The following APOLD1 variants were observed in gnomAD, a reference collection of about 807,000 sequenced individuals.
APOLD1 encodes the protein apolipoprotein L domain containing 1, also known as apolipoprotein L domain-containing protein 1.
Under a neutral mutation model 15.3 loss-of-function variants are expected in APOLD1, and 22 were observed. The observed-to-expected ratio is 1.44, with a 90% CI of 1.03 to 2.05. APOLD1 has a LOEUF of 2.05. Among genes scored for constraint, APOLD1 ranks in the 30% most tolerant of loss-of-function variants. The pLI, the probability that APOLD1 is intolerant of heterozygous loss-of-function variation, is 0.00. For missense variants in APOLD1, 394 were observed against 353.5 expected (o/e 1.11, Z -0.92); for synonymous variants, 190 against 167.4 (o/e 1.13, Z -1.04).
chr12:12,746,049 A>G (rs1370610188), intron 1 of APOLD1, among the ~76,000 whole-genome samples: 2 of 152,106 alleles, frequency 1.3e-5, no homozygotes, highest in African/African-American at 2.4e-5. Context: ...CAGCTCCGTG[A>G]TCACTCAGGA....
At chr12:12,728,665 C>CAAAAAAAAAAA (rs58877184) in intron 1 of APOLD1, among the ~76,000 whole-genome samples, 33 of 62,836 alleles carry the variant, frequency 5.3e-4, no homozygotes, top group Non-Finnish European at 6.4e-4. Context: ...GACCCTGTCT[C>CAAAAAAAAAAA]AAAAAAAAAA....
At chr12:12,757,580 T>G (rs1946865834) in intron 1 of APOLD1, among the ~76,000 whole-genome samples, 1 of 152,214 alleles carries the variant, frequency 6.6e-6, no homozygotes. Flanking sequence ...TAGAACGTTG[T>G]CAGCCACCCC....
At chr12:12,782,580 T>C (rs143571807), upstream of APOLD1, among the ~76,000 whole-genome samples, 72 of 152,282 alleles carry the variant, frequency 4.7e-4, no homozygotes, top group African/African-American at 1.7e-3. Context: ...GGCAGGAGGA[T>C]TGCTTGATCT....
At chr12:12,777,053 G>A (rs1947041358) in intron 1 of APOLD1, among the ~76,000 whole-genome samples, 1 of 152,284 alleles carries the variant, frequency 6.6e-6, no homozygotes, top group African/African-American at 2.4e-5. Flanking sequence ...GTTTATTGTG[G>A]ATATTTTCTT....
chr12:12,787,196 C>T lies in APOLD1; in HGVS notation c.291C>T (p.Ala97=), dbSNP rs754281515. ...VSAVGLGVAT[A]GGAVTITSDL... ...CCGTGGGGCTGGGGGTGGCCACAGC[C>T]GGAGGGGCCGTCACCATCACGTCCG... Residue 97 remains alanine (A), a synonymous_variant, in exon 2 of 2, where the codon GCC becomes GCT. Transcript: ENST00000356591. This position sits in a 1 kb window ranked among gnomAD's most constrained non-coding sequence, Gnocchi z 4.9. The T allele has an allele frequency of 1.1e-5, 17 of 1,547,008 alleles. No homozygotes were observed. The highest frequency in any genetic ancestry group is 1.3e-5 in the Non-Finnish European group (15 of 1,154,816).
At chr12:12,735,835 T>C (rs909177622) in intron 1 of APOLD1, among the ~76,000 whole-genome samples, 1 of 151,812 alleles carries the variant, frequency 6.6e-6, no homozygotes, top group Non-Finnish European at 1.5e-5. Context: ...TAGTCATACC[T>C]ACTTGGGAAG....
chr12:12,764,282 A>G (rs1946927242), intron 1 of APOLD1, among the ~76,000 whole-genome samples: 1 of 152,156 alleles, frequency 6.6e-6, no homozygotes, highest in African/African-American at 2.4e-5. Flanking sequence ...TATTAACTAT[A>G]GTTACCATGT....
At chr12:12,747,278 C>T (rs1338625772) in intron 1 of APOLD1, among the ~76,000 whole-genome samples, 1 of 152,130 alleles carries the variant, frequency 6.6e-6, no homozygotes, top group Non-Finnish European at 1.5e-5. Context: ...GTCTAGCCCA[C>T]GTCTCTTACT....
At chr12:12,776,497 G>A (rs1202099493) in intron 1 of APOLD1, among the ~76,000 whole-genome samples, 1 of 152,238 alleles carries the variant, frequency 6.6e-6, no homozygotes, top group African/African-American at 2.4e-5. Flanking sequence ...AAGGCATGTG[G>A]TAAACTAGAT....
chr12:12,760,403 C>T (rs189939382), intron 1 of APOLD1, among the ~76,000 whole-genome samples: 303 of 152,046 alleles, frequency 2.0e-3, no homozygotes, highest in Non-Finnish European at 3.7e-3. Flanking sequence ...TTTGGGAGGC[C>T]GAAGTGGGCA....
rs558315485 is a variant in APOLD1, at chr12:12,787,353, C to G, written c.448C>G (p.Arg150Gly). Residue 150 changes from arginine (R) to glycine (G), a missense_variant, in exon 2 of 2, where the codon CGC becomes GGC. Arg to Gly is a moderately radical substitution (Grantham distance 125). Transcript: ENST00000356591. The surrounding 1 kb of genome is among the most constrained non-coding windows in gnomAD (Gnocchi z 4.9). ...FFCRWQGCGD[R>G]QLLQCGRNAS... ...CTGCCGCTGGCAGGGCTGCGGGGAC[C>G]GCCAGCTGCTGCAGTGCGGGAGGAA... is the stretch of plus-strand genomic sequence containing the variant. 5.6e-6 allele frequency: 9 copies of G among 1,613,988 alleles called. No homozygotes were observed. The highest frequency in any genetic ancestry group is 2.7e-5 in the African/African-American group (2 of 75,050).
intron 1 of APOLD1, among the ~76,000 whole-genome samples, chr12:12,757,490 C>T (rs530275407): frequency 6.6e-6 from 1 of 152,122 alleles, no homozygotes; most frequent in East Asian, 1.9e-4. Context: ...TAAACTGAAA[C>T]ATAAAACACA....
chr12:12,770,275 C>G (rs1373925890), intron 1 of APOLD1, among the ~76,000 whole-genome samples: 1 of 152,108 alleles, frequency 6.6e-6, no homozygotes, highest in Non-Finnish European at 1.5e-5. Flanking sequence ...CATGGTGGCA[C>G]ATGCCTGTAA....
At position 12,776,019 on chromosome 12, in the gene APOLD1, A is replaced by C. The variant is rs948587675; in HGVS notation, c.97-10890A>C. Among the ~76,000 whole-genome samples the C allele has an allele frequency of 1.1e-4, 17 of 150,976 alleles. No individual in the cohort carries two copies. In the South Asian group the frequency reaches 2.9e-3, roughly 26 times the overall value. On this transcript the variant is annotated intron_variant, in intron 1 of 1. Transcript: ENST00000326765. ...ACCCAGTCTCAAAAAAAAAAAAAAA[A>C]AAAAAAACACAACAAACAAACAAAA... is the stretch of plus-strand genomic sequence containing the variant.
At chr12:12,730,065 TGTGTGTGTGTGTGA>T (rs1457783876) in intron 1 of APOLD1, among the ~76,000 whole-genome samples, 288 of 87,180 alleles carry the variant, frequency 3.3e-3, no homozygotes, top group Admixed American at 3.6e-3. Flanking sequence ...TGTGTGTGTG[TGTGTGTGTGTGTGA>T]GAGAGAGAGA....
At chr12:12,758,865 G>A (rs1462654036) in intron 1 of APOLD1, among the ~76,000 whole-genome samples, 1 of 152,072 alleles carries the variant, frequency 6.6e-6, no homozygotes, top group Non-Finnish European at 1.5e-5. Context: ...CATTTAAAGG[G>A]AACACTTTAC....
chr12:12,774,546 CAAAAAAAAAAAAAAAA>C (rs57343706), intron 1 of APOLD1, among the ~76,000 whole-genome samples: 2,283 of 42,482 alleles, frequency 0.054, 99 homozygotes, highest in African/African-American at 0.16. Context: ...ACTCTAACTC[CAAAAAAAAAAAAAAAA>C]AAAAAAAAAA....
At chr12:12,776,302 C>G (rs1428702181) in intron 1 of APOLD1, among the ~76,000 whole-genome samples, 1 of 152,124 alleles carries the variant, frequency 6.6e-6, no homozygotes, top group Non-Finnish European at 1.5e-5. Flanking sequence ...AGATACAAAA[C>G]AAGCAGGTGT....
chr12:12,755,583 G>A (rs1253089557), intron 1 of APOLD1, among the ~76,000 whole-genome samples: 2 of 152,204 alleles, frequency 1.3e-5, no homozygotes, highest in African/African-American at 2.4e-5. Context: ...GCTCACCCTT[G>A]TAATCCCAGC....
Sources: gnomAD v4.1 joint callset for allele counts (sites outside exome capture counted in the v4.1 genomes callset) on GRCh38, gnomAD v4.1.1 for gene constraint, Gnocchi (gnomAD v3.1) non-coding constraint, MANE v1.5 for transcripts, NCBI Gene and HGNC (gene_info 2026-07-23, HGNC 2026-07-21) for gene names.